The following BBX variants were observed in gnomAD, a reference collection of about 807,000 sequenced individuals.
The protein encoded by BBX is BBX high mobility group box domain containing.
A neutral mutation model predicts 100.2 loss-of-function variants in BBX; 30 were observed. The ratio of observed to expected loss-of-function variants is 0.30; its 90% CI spans 0.22 to 0.41. The LOEUF (loss-of-function observed/expected upper bound fraction) is 0.41, where lower values mean the gene tolerates loss of function less well. Among genes scored for constraint, BBX ranks in the 10% least tolerant of loss-of-function variants. The probability of loss-of-function intolerance (pLI) is 1.00; values close to 1 mark genes in which losing one functional copy is unlikely to be tolerated. For missense variants in BBX, 1,023 were observed against 1,129.8 expected (o/e 0.91, Z 1.35); for synonymous variants, 376 against 388.1 (o/e 0.97, Z 0.37).
intron 3 of BBX, among the ~76,000 whole-genome samples, chr3:107,707,978 C>T (rs1388186916): frequency 2.0e-5 from 3 of 152,130 alleles, no homozygotes; most frequent in African/African-American, 4.8e-5. Context: ...TACAGTTTCC[C>T]ACTGATTTCT....
intron 3 of BBX, among the ~76,000 whole-genome samples, chr3:107,671,014 A>G (rs1365323761): frequency 6.6e-6 from 1 of 152,050 alleles, no homozygotes; most frequent in Admixed American, 6.6e-5. Flanking sequence ...ATTTACGTAG[A>G]TCAGATTGCT....
chr3:107,771,869 C>G (rs2066933350), intron 10 of BBX, among the ~76,000 whole-genome samples: 1 of 151,896 alleles, frequency 6.6e-6, no homozygotes, highest in African/African-American at 2.4e-5. Flanking sequence ...CTCATTTCCC[C>G]TGGAAAAAAA....
chr3:107,590,462 G>A (rs968054269), intron 2 of BBX, among the ~76,000 whole-genome samples: 5 of 152,114 alleles, frequency 3.3e-5, no homozygotes, highest in South Asian at 2.1e-4. Context: ...TTGTGCTTTC[G>A]AACCCTAGAA....
chr3:107,544,563 C>T (rs2049077063), intron 2 of BBX, among the ~76,000 whole-genome samples: 1 of 152,036 alleles, frequency 6.6e-6, no homozygotes, highest in Non-Finnish European at 1.5e-5. Context: ...AAAATCGTTA[C>T]TTTAAAAGTT....
intron 2 of BBX, among the ~76,000 whole-genome samples, chr3:107,626,453 A>G (rs899754725): frequency 2.0e-5 from 3 of 152,192 alleles, no homozygotes; most frequent in South Asian, 2.1e-4. Context: ...TCAGGAATTT[A>G]GGAGTCACTT....
rs559919617 is a variant in BBX at position 107,604,469 on chromosome 3, T to C, written c.-83-41367T>C. ...TGGAATTGCTCTTGTTTGTCACTAT[T>C]ACTCTTAAATAGGGTACTTTTGGGA... On this transcript the variant is annotated intron_variant, in intron 2 of 17. Coordinates refer to ENST00000325805, the MANE Select transcript of BBX (RefSeq NM_001142568.3). 6.6e-5 allele frequency among the ~76,000 whole-genome samples: 10 copies of C among 152,290 alleles called. 1 individual carries two copies. The South Asian group carries it at 1.9e-3, about 28-fold the overall frequency.
chr3:107,544,987 G>T (rs1264490518), intron 2 of BBX, among the ~76,000 whole-genome samples: 1 of 151,770 alleles, frequency 6.6e-6, no homozygotes, highest in Non-Finnish European at 1.5e-5. Flanking sequence ...TTGTACTCGA[G>T]CCTGGGCAAC....
At chr3:107,696,027 T>C (rs1452566632) in intron 3 of BBX, among the ~76,000 whole-genome samples, 1 of 151,792 alleles carries the variant, frequency 6.6e-6, no homozygotes, top group East Asian at 1.9e-4. Context: ...ACCCCTGCCT[T>C]TTTTTGTCTT....
chr3:107,678,084 T>A (rs2059379563), intron 3 of BBX, among the ~76,000 whole-genome samples: 1 of 152,170 alleles, frequency 6.6e-6, no homozygotes, highest in Admixed American at 6.5e-5. Context: ...TATGTATTTT[T>A]TTAAAGGAAT....
Position 107,708,191 on chromosome 3 carries a change from ATCT to A in BBX, c.-9-2257_-9-2255del, listed in dbSNP as rs71992400. On this transcript the variant is annotated intron_variant, in intron 3 of 17. Transcript: ENST00000325805. Reference sequence around the variant, plus strand: ...TAAATGGACTATCAATTCACAAGAAATCTTCTCTTATTAAGAGCACACCAGATA... The same window carrying A: ...TAAATGGACTATCAATTCACAAGAAATCTCTTATTAAGAGCACACCAGATA... 7.0e-3 allele frequency among the ~76,000 whole-genome samples: 1,067 copies of A among 152,252 alleles called. 12 individuals are homozygous for A. Among genetic ancestry groups the A allele is most frequent in the African/African-American group, 0.024 (1,008 of 41,552 alleles).
chr3:107,662,874 G>C (rs897119726), intron 3 of BBX: 6 of 152,082 alleles, frequency 3.9e-5, no homozygotes, highest in African/African-American at 1.2e-4. Flanking sequence ...TCCTGAGTAC[G>C]TGCTAGGTAC....
intron 16 of BBX, among the ~76,000 whole-genome samples, chr3:107,800,498 A>AT (rs1439304665): frequency 6.6e-6 from 1 of 152,210 alleles, no homozygotes; most frequent in African/African-American, 2.4e-5. Context: ...AAGTATACTC[A>AT]TTTGTAGCAG....
chr3:107,671,123 G>A, intron 3 of BBX, among the ~76,000 whole-genome samples: 1 of 149,608 alleles, frequency 6.7e-6, no homozygotes, highest in East Asian at 2.0e-4. Flanking sequence ...TGTACAACCT[G>A]CGCTTCCTTC....
At chr3:107,771,513 C>T (rs145131566) in intron 10 of BBX, among the ~76,000 whole-genome samples, 11 of 152,242 alleles carry the variant, frequency 7.2e-5, no homozygotes, top group Admixed American at 1.3e-4. Context: ...ATACATATTA[C>T]ACTAAGTAAC....
chr3:107,544,371 C>G (rs1249296405), intron 2 of BBX, among the ~76,000 whole-genome samples: 1 of 152,162 alleles, frequency 6.6e-6, no homozygotes, highest in Non-Finnish European at 1.5e-5. Flanking sequence ...TCTGTGCTTG[C>G]TGATGTGAAT....
rs2053642898 is a variant in BBX at position 107,595,972 on chromosome 3, C to T, written c.-83-49864C>T. On this transcript the variant is annotated intron_variant, in intron 2 of 17. Coordinates refer to ENST00000325805, the MANE Select transcript of BBX (RefSeq NM_001142568.3). ...ATATATTTTAGGCACTCATGACATA[C>T]CTAATTTTGTCTTAATTTTTTTGAT... Among the ~76,000 whole-genome samples, 4 of 152,216 alleles carry T rather than the reference C, an allele frequency of 2.6e-5. No individual in the cohort carries two copies. In the South Asian group the frequency reaches 8.3e-4, roughly 32 times the overall value.
intron 10 of BBX, among the ~76,000 whole-genome samples, chr3:107,758,603 C>T (rs2065664844): frequency 6.6e-6 from 1 of 152,150 alleles, no homozygotes; most frequent in Non-Finnish European, 1.5e-5. Context: ...CAACAAGATA[C>T]TTCCTACTGT....
At chr3:107,756,993 A>G (rs2065528179) in intron 10 of BBX, among the ~76,000 whole-genome samples, 1 of 152,136 alleles carries the variant, frequency 6.6e-6, no homozygotes, top group Non-Finnish European at 1.5e-5. Context: ...GACTGTATAT[A>G]GATTGTCAAG....
At chr3:107,676,125 A>G (rs2059267516) in intron 3 of BBX, among the ~76,000 whole-genome samples, 1 of 152,198 alleles carries the variant, frequency 6.6e-6, no homozygotes, top group South Asian at 2.1e-4. Context: ...AAGCTTTTAA[A>G]AAAAATTATA....
Sources: gnomAD v4.1 joint callset for allele counts (sites outside exome capture counted in the v4.1 genomes callset) on GRCh38, gnomAD v4.1.1 for gene constraint, MANE v1.5 for transcripts, NCBI Gene and HGNC (gene_info 2026-07-23, HGNC 2026-07-21) for gene names.